CLSTN2: variants seen among roughly 807,000 people sequenced by gnomAD.
CLSTN2 encodes calsyntenin-2.
Under a neutral mutation model 101.2 loss-of-function variants are expected in CLSTN2, and 48 were observed. The ratio of observed to expected loss-of-function variants is 0.47; its 90% CI spans 0.38 to 0.60. The LOEUF is 0.60. Among genes scored for constraint, CLSTN2 ranks in the 20% least tolerant of loss-of-function variants. CLSTN2 has a pLI of 0.00. For synonymous variants in CLSTN2, 481 were observed against 463.6 expected (o/e 1.04, Z -0.48); for missense variants, 1,160 against 1,238.2 (o/e 0.94, Z 0.95).
At chr3:139,991,813 A>G (rs1257740977) in intron 1 of CLSTN2, among the ~76,000 whole-genome samples, 1 of 152,218 alleles carries the variant, frequency 6.6e-6, no homozygotes, top group African/African-American at 2.4e-5. Flanking sequence ...GGCTGAATCC[A>G]GGTGCTTGGG....
At chr3:140,394,481 C>T (rs1298080979) in intron 2 of CLSTN2, among the ~76,000 whole-genome samples, 1 of 152,208 alleles carries the variant, frequency 6.6e-6, no homozygotes, top group Admixed American at 6.5e-5. Context: ...TTCCTTCTTA[C>T]AGCTACAGCA....
intron 1 of CLSTN2, among the ~76,000 whole-genome samples, chr3:139,985,845 G>A (rs1242910519): frequency 4.6e-5 from 7 of 152,194 alleles, no homozygotes; most frequent in Admixed American, 4.6e-4. Flanking sequence ...GTGCCATTCA[G>A]TATGGTAGTT....
chr3:140,166,577 C>T (rs1291286439), intron 1 of CLSTN2, among the ~76,000 whole-genome samples: 1 of 152,118 alleles, frequency 6.6e-6, no homozygotes, highest in Non-Finnish European at 1.5e-5. Flanking sequence ...AGCCGCTTGG[C>T]CCTGCTGCTT....
intron 1 of CLSTN2, among the ~76,000 whole-genome samples, chr3:139,987,927 A>G (rs1241526906): frequency 6.6e-6 from 1 of 152,220 alleles, no homozygotes; most frequent in African/African-American, 2.4e-5. Context: ...CAGTGACGAG[A>G]CAAGACAAGT....
intron 8 of CLSTN2, among the ~76,000 whole-genome samples, chr3:140,500,935 T>TA (rs1255303392): frequency 6.6e-6 from 1 of 152,154 alleles, no homozygotes; most frequent in East Asian, 1.9e-4. Context: ...AATAAATAAA[T>TA]AATACCTCAA....
At chr3:140,346,704 C>CA (rs1230277378) in intron 2 of CLSTN2, among the ~76,000 whole-genome samples, 1 of 152,196 alleles carries the variant, frequency 6.6e-6, no homozygotes, top group Non-Finnish European at 1.5e-5. Context: ...TCTCCCTTTC[C>CA]ATAGTGACTC....
intron 1 of CLSTN2, among the ~76,000 whole-genome samples, chr3:140,011,691 C>G (rs1045983987): frequency 2.6e-5 from 4 of 152,136 alleles, no homozygotes; most frequent in Admixed American, 1.3e-4. Context: ...TAACATAAGC[C>G]TGGTTCTTCC....
At chr3:139,958,691 C>T (rs562404994) in intron 1 of CLSTN2, among the ~76,000 whole-genome samples, 2 of 151,438 alleles carry the variant, frequency 1.3e-5, no homozygotes, top group South Asian at 4.3e-4. Flanking sequence ...CGGGATTTGA[C>T]GACAGTCTTA....
At chr3:139,966,571 C>T (rs932552609) in intron 1 of CLSTN2, among the ~76,000 whole-genome samples, 3 of 152,196 alleles carry the variant, frequency 2.0e-5, no homozygotes, top group African/African-American at 7.2e-5. Context: ...TTTAGAAAGT[C>T]CTCCTTGTGT....
At chr3:140,431,787 C>A (rs138609105) in intron 5 of CLSTN2, among the ~76,000 whole-genome samples, 3 of 152,204 alleles carry the variant, frequency 2.0e-5, no homozygotes, top group Non-Finnish European at 4.4e-5. Flanking sequence ...CAACCCTTAG[C>A]TGGGTCATAA....
intron 1 of CLSTN2, among the ~76,000 whole-genome samples, chr3:139,978,635 G>A (rs796896532): frequency 1.9e-4 from 27 of 145,210 alleles, no homozygotes; most frequent in African/African-American, 6.7e-4. Context: ...CTGGGAGGAT[G>A]GGGGATGGGG....
intron 5 of CLSTN2, among the ~76,000 whole-genome samples, chr3:140,445,355 C>G (rs903605498): frequency 4.6e-5 from 7 of 152,170 alleles, no homozygotes; most frequent in African/African-American, 1.7e-4. Flanking sequence ...AAAGGGATGC[C>G]TGCAGCCTCT....
At chr3:140,248,844 C>T (rs569968681) in intron 2 of CLSTN2, among the ~76,000 whole-genome samples, 1 of 152,294 alleles carries the variant, frequency 6.6e-6, no homozygotes, top group Admixed American at 6.5e-5. Context: ...GTTTCAAACT[C>T]AATTCTCCCA....
chr3:140,003,651 A>T (rs1015240049), intron 1 of CLSTN2, among the ~76,000 whole-genome samples: 1 of 152,106 alleles, frequency 6.6e-6, no homozygotes, highest in Non-Finnish European at 1.5e-5. Context: ...TCAGTATGAT[A>T]CTAGCTGTGG....
chr3:140,128,446 G>A (rs559871569), intron 1 of CLSTN2, among the ~76,000 whole-genome samples: 11 of 152,162 alleles, frequency 7.2e-5, no homozygotes, highest in Non-Finnish European at 1.3e-4. Flanking sequence ...ATGAGGAGAG[G>A]TTAATAAAAG....
Position 140,562,878 on chromosome 3 carries a change from T to C in CLSTN2, c.2280T>C (p.Ala760=). The C allele has an allele frequency of 1.2e-6, 2 of 1,614,136 alleles. No individual in the cohort carries two copies. Among genetic ancestry groups the C allele is most frequent in the Non-Finnish European group, 1.7e-6 (2 of 1,180,008 alleles). ...TCCGCTACCGCAACTGGCGTCCGGC[T>C]TCCCTTGAGGCCCGGCGTTTCCGGA... ...HHIRYRNWRP[A]SLEARRFRIK... is the part of the protein sequence containing the mutation. Residue 760 remains alanine (A), a synonymous_variant, in exon 14 of 17, where the codon GCT becomes GCC. Transcript: ENST00000458420.
chr3:140,077,052 G>A (rs1174749592), intron 1 of CLSTN2, among the ~76,000 whole-genome samples: 2 of 152,158 alleles, frequency 1.3e-5, no homozygotes, highest in Non-Finnish European at 2.9e-5. Flanking sequence ...AATTTACAAG[G>A]ACGACTAGCT....
At chr3:140,127,780 A>G (rs1487764239) in intron 1 of CLSTN2, among the ~76,000 whole-genome samples, 2 of 152,130 alleles carry the variant, frequency 1.3e-5, no homozygotes, top group Non-Finnish European at 2.9e-5. Flanking sequence ...CAGTTAATAT[A>G]TATAAAGCAG....
intron 8 of CLSTN2, among the ~76,000 whole-genome samples, chr3:140,470,401 C>T (rs1167347601): frequency 6.6e-6 from 1 of 152,150 alleles, no homozygotes; most frequent in Non-Finnish European, 1.5e-5. Flanking sequence ...GGGAAGGCCT[C>T]TGGGAGGGAA....
Sources: allele counts gnomAD v4.1 joint callset (sites outside exome capture counted in the v4.1 genomes callset), GRCh38; gene constraint gnomAD v4.1.1; transcripts MANE v1.5; gene names NCBI Gene and HGNC (gene_info 2026-07-23, HGNC 2026-07-21).